The following DNAAF9 variants were observed in gnomAD, a reference collection of about 807,000 sequenced individuals.
DNAAF9 encodes the protein shulin.
In DNAAF9, 90 loss-of-function variants were observed where a neutral mutation model predicts 167.0. The observed-to-expected ratio is 0.54, with a 90% CI of 0.45 to 0.64. The LOEUF is 0.64. Among genes scored for constraint, DNAAF9 ranks in the 30% least tolerant of loss-of-function variants. The pLI is 0.00. For missense variants in DNAAF9, 1,315 were observed against 1,442.2 expected (o/e 0.91, Z 1.43); for synonymous variants, 491 against 508.8 (o/e 0.96, Z 0.47).
intron 3 of DNAAF9, among the ~76,000 whole-genome samples, chr20:3,377,063 C>T (rs528693207): frequency 1.5e-4 from 23 of 151,344 alleles, no homozygotes; most frequent in East Asian, 5.8e-4. Context: ...AGTGAGACTC[C>T]GTCTCAAAAA....
intron 23 of DNAAF9, 148 bp downstream of exon 23, chr20:3,296,713 G>A: frequency 1.5e-6 from 1 of 649,486 alleles, no homozygotes. Context: ...AAGGGCACCG[G>A]CTACCTGCAA....
intron 29 of DNAAF9, among the ~76,000 whole-genome samples, chr20:3,273,967 C>T (rs555290544): frequency 2.0e-5 from 3 of 152,162 alleles, no homozygotes; most frequent in South Asian, 2.1e-4. Context: ...ACTCCCTTTA[C>T]TTTTTAATTT....
chr20:3,407,011 G>A (rs909999779), intron 1 of DNAAF9, among the ~76,000 whole-genome samples: 2 of 152,136 alleles, frequency 1.3e-5, no homozygotes, highest in African/African-American at 4.8e-5. Context: ...GGTTCTACAC[G>A]AGGGAGCTAT....
At chr20:3,279,835 T>C (rs1170202275) in intron 28 of DNAAF9, among the ~76,000 whole-genome samples, 1 of 152,090 alleles carries the variant, frequency 6.6e-6, no homozygotes, top group East Asian at 1.9e-4. Context: ...ACCACAGAGG[T>C]CCTGTGTTTT....
At chr20:3,253,235 C>T (rs1352772328) in intron 36 of DNAAF9, among the ~76,000 whole-genome samples, 2 of 152,070 alleles carry the variant, frequency 1.3e-5, no homozygotes, top group Non-Finnish European at 2.9e-5. Flanking sequence ...TGAGGTCAGG[C>T]GTTTGAGACC....
chr20:3,268,897 C>CTTTTTTTTTTTTTTTTTTT lies in DNAAF9; in HGVS notation c.2786+1511_2786+1529dup, dbSNP rs386393120. Among the ~76,000 whole-genome samples the CTTTTTTTTTTTTTTTTTTT allele has an allele frequency of 1.8e-3, 152 of 85,832 alleles. 13 individuals are homozygous for CTTTTTTTTTTTTTTTTTTT. Among genetic ancestry groups the CTTTTTTTTTTTTTTTTTTT allele is most frequent in the Non-Finnish European group, 2.7e-3 (124 of 46,580 alleles). 56.3% of individuals were successfully genotyped at this position (85,832 alleles called of 152,430 possible). A position where few individuals can be genotyped will look rare whatever the true frequency, so the allele number is the denominator to read the frequency against. ...GTAAAGAGATAATATCTCTATGTTA[C>CTTTTTTTTTTTTTTTTTTT]TTTTTTTTTTTTTTTTTTTTTTTTG... On this transcript the variant is annotated intron_variant, in intron 30 of 36. Coordinates refer to ENST00000252032, the MANE Select transcript of DNAAF9 (RefSeq NM_001009984.3).
chr20:3,341,998 T>C (rs6051766), intron 9 of DNAAF9, among the ~76,000 whole-genome samples: 38,041 of 151,940 alleles, frequency 0.25, 5,365 homozygotes, highest in African/African-American at 0.37. Flanking sequence ...AGGATGGTCT[T>C]GATCTCCTGA....
intron 1 of DNAAF9, among the ~76,000 whole-genome samples, chr20:3,391,578 CTTTT>C (rs34396355): frequency 8.3e-6 from 1 of 120,950 alleles, no homozygotes; most frequent in African/African-American, 3.2e-5. Flanking sequence ...TTTTTTCCTT[CTTTT>C]TTTTTTTTTT....
intron 6 of DNAAF9, among the ~76,000 whole-genome samples, chr20:3,371,435 C>T (rs569214901): frequency 5.2e-4 from 76 of 147,436 alleles, no homozygotes; most frequent in African/African-American, 1.8e-3. Flanking sequence ...GCTCCGCCTC[C>T]CGGGTTCCCG....
At chr20:3,332,892 G>A (rs1376200077) in intron 10 of DNAAF9, among the ~76,000 whole-genome samples, 1 of 129,222 alleles carries the variant, frequency 7.7e-6, no homozygotes, top group Non-Finnish European at 1.6e-5. Context: ...GTGTGCGTGT[G>A]TGCGTGTGGT....
At chr20:3,273,090 C>T (rs1319433459) in intron 29 of DNAAF9, among the ~76,000 whole-genome samples, 1 of 152,198 alleles carries the variant, frequency 6.6e-6, no homozygotes, top group East Asian at 1.9e-4. Flanking sequence ...CTCGGCCTCC[C>T]AAAGTGCCGT....
intron 8 of DNAAF9, among the ~76,000 whole-genome samples, chr20:3,345,393 C>T (rs6051768): frequency 6.6e-6 from 1 of 152,138 alleles, no homozygotes; most frequent in Non-Finnish European, 1.5e-5. Context: ...TCAAGCAATC[C>T]TAATAACAAC....
At position 3,310,333 on chromosome 20, in the gene DNAAF9, A is replaced by AAAAGAAAGAAAGAAAGAAAGAAAG. The variant is rs376196616; in HGVS notation, c.1678+4676_1678+4699dup. Among the ~76,000 whole-genome samples, 520 of 106,174 alleles carry AAAAGAAAGAAAGAAAGAAAGAAAG rather than the reference A, an allele frequency of 4.9e-3. 4 individuals carry two copies. The highest frequency in any genetic ancestry group is 9.8e-3 in the East Asian group (35 of 3,558). The allele number at this position is 106,174 out of a possible 152,430, so 69.7% of individuals were successfully genotyped here. On this transcript the variant is annotated intron_variant, in intron 20 of 36. Transcript: ENST00000252032. ...GAAAGAAAGAAAGGAAAGAGAAAGA[A>AAAAGAAAGAAAGAAAGAAAGAAAG]AAAGAAAGAAAGAAAGAAAGAAAGA...
chr20:3,294,497 T>C, intron 24 of DNAAF9, 31 bp downstream of exon 24: 1 of 1,442,602 alleles, frequency 6.9e-7, no homozygotes, highest in Non-Finnish European at 9.8e-7. Context: ...AGCCAGAATA[T>C]TAAACATCTA....
At chr20:3,257,155 T>A (rs1467112399) in intron 33 of DNAAF9, among the ~76,000 whole-genome samples, 3 of 151,836 alleles carry the variant, frequency 2.0e-5, no homozygotes, top group Non-Finnish European at 4.4e-5. Context: ...AAAGGCAGGA[T>A]GAGAAAGGAT....
Position 3,259,996 on chromosome 20 carries a change from T to C in DNAAF9, c.2906A>G (p.Tyr969Cys), listed in dbSNP as rs1335606016. 5.0e-6 allele frequency: 8 copies of C among 1,612,096 alleles called. No homozygotes were observed. Among genetic ancestry groups the C allele is most frequent in the East Asian group, 2.2e-5 (1 of 44,886 alleles). ...YEGKLNAGSV[Y>C]PLMVQICVWF... The stretch of plus-strand genomic sequence containing the variant: ...TACGCAGATCTGAACCATTAGGGGA[T>C]AGACTGATCCAGCATTCAATTTACC... The change falls in exon 32 of 37, where the codon TAT becomes TGT. Residue 969 changes from tyrosine to cysteine, a missense_variant. Transcript: ENST00000252032.
chr20:3,387,332 G>C lies in DNAAF9; in HGVS notation c.84-4826C>G, dbSNP rs558384111. Among the ~76,000 whole-genome samples, 40 of 152,220 alleles carry C rather than the reference G, an allele frequency of 2.6e-4. 1 individual carries two copies. The highest frequency in any genetic ancestry group is 8.4e-4 in the African/African-American group (35 of 41,552). On this transcript the variant is annotated intron_variant, in intron 1 of 36. Coordinates refer to ENST00000252032, the MANE Select transcript of DNAAF9 (RefSeq NM_001009984.3). ...ATACAGACCAATGAAACAGAATAAA[G>C]AGACCAGAAACAAACCCTCACATAC...
In DNAAF9 at chr20:3,332,900, G is replaced by GTGGTGT. The variant is rs1376871054; in HGVS notation, c.982-540_982-539insACACCA. On this transcript the variant is annotated intron_variant, in intron 10 of 36. Coordinates refer to ENST00000252032, the MANE Select transcript of DNAAF9 (RefSeq NM_001009984.3). ...CATGCGTGTGTGCGTGTGTGCGTGT[G>GTGGTGT]GTGTGTGTGTGTGTGTGTGTGTGTG... Among the ~76,000 whole-genome samples, 235 of 146,932 alleles carry GTGGTGT rather than the reference G, an allele frequency of 1.6e-3. 3 individuals are homozygous for GTGGTGT. The highest frequency in any genetic ancestry group is 5.5e-3 in the African/African-American group (218 of 39,884).
At chr20:3,255,140 G>C in intron 35 of DNAAF9, 79 bp downstream of exon 35, 1 of 854,976 alleles carries the variant, frequency 1.2e-6, no homozygotes, top group Non-Finnish European at 1.9e-6. Flanking sequence ...TCCTCACTCA[G>C]AGAATCCAAA....
Sources: gnomAD v4.1 joint callset for allele counts (sites outside exome capture counted in the v4.1 genomes callset) on GRCh38, gnomAD v4.1.1 for gene constraint, MANE v1.5 for transcripts, NCBI Gene and HGNC (gene_info 2026-07-23, HGNC 2026-07-21) for gene names.